HIPK2: variants seen among roughly 807,000 people sequenced by gnomAD.
HIPK2 encodes homeodomain-interacting protein kinase 2.
Under a neutral mutation model 113.7 loss-of-function variants are expected in HIPK2, and 27 were observed. The observed-to-expected ratio is 0.24, with a 90% CI of 0.17 to 0.33. The LOEUF is 0.33. Among genes scored for constraint, HIPK2 ranks in the 10% least tolerant of loss-of-function variants. HIPK2 has a pLI of 1.00. For synonymous variants in HIPK2, 631 were observed against 642.2 expected, an observed-to-expected ratio of 0.98 and a Z score of 0.26; for missense variants, 1,257 against 1,588.0, an observed-to-expected ratio of 0.79 and a Z score of 3.54.
At chr7:139,610,389 A>T (rs1440628440) in intron 9 of HIPK2, among the ~76,000 whole-genome samples, 1 of 152,208 alleles carries the variant, frequency 6.6e-6, no homozygotes, top group African/African-American at 2.4e-5. Context: ...ATAAAGTATG[A>T]AGAAGCTTTT....
chr7:139,706,448 A>G (rs1794901463), intron 2 of HIPK2, among the ~76,000 whole-genome samples: 1 of 152,224 alleles, frequency 6.6e-6, no homozygotes, highest in African/African-American at 2.4e-5. Flanking sequence ...GCTACAAGGC[A>G]TGGGATGCCG....
At position 139,592,850 on chromosome 7, in the gene HIPK2, G is replaced by A. The variant is rs776220198; in HGVS notation, c.2717+3867C>T. Reference sequence around the variant, plus strand: ...CAATATCTGTTTGTCTTATCTTTTGGCCAATTCTCTAGCCATGACCAGAGT... The same window carrying A: ...CAATATCTGTTTGTCTTATCTTTTGACCAATTCTCTAGCCATGACCAGAGT... On this transcript the variant is annotated intron_variant, in intron 12 of 14. Coordinates refer to ENST00000406875, the MANE Select transcript of HIPK2 (RefSeq NM_022740.5). Among the ~76,000 whole-genome samples the A allele has an allele frequency of 2.3e-3, 354 of 152,288 alleles. 2 individuals carry two copies. Among genetic ancestry groups the A allele is most frequent in the Non-Finnish European group, 4.0e-3 (270 of 68,020 alleles).
chr7:139,714,378 C>A lies in HIPK2; in HGVS notation c.1103+1554G>T, dbSNP rs533370921. ...GTGGGAGGGCATCTGGGGATCCGAA[C>A]GGAGGGGCTGTTGCTCTCCCAGGGA... On this transcript the variant is annotated intron_variant, in intron 2 of 14. Coordinates refer to ENST00000406875, the MANE Select transcript of HIPK2 (RefSeq NM_022740.5). The surrounding 1 kb of genome is among the most constrained non-coding windows in gnomAD (Gnocchi z 4.2). 2.0e-5 allele frequency among the ~76,000 whole-genome samples: 3 copies of A among 152,100 alleles called. No homozygotes were observed. The highest frequency in any genetic ancestry group is 2.9e-5 in the Non-Finnish European group (2 of 68,006).
At chr7:139,658,475 C>T (rs1218322825) in intron 2 of HIPK2, among the ~76,000 whole-genome samples, 2 of 152,162 alleles carry the variant, frequency 1.3e-5, no homozygotes, top group East Asian at 3.8e-4. Flanking sequence ...TTTTCAATTC[C>T]ACTGAATTAT....
chr7:139,754,024 C>A (rs568828191), intron 1 of HIPK2, among the ~76,000 whole-genome samples: 2 of 152,208 alleles, frequency 1.3e-5, no homozygotes, highest in Non-Finnish European at 1.5e-5. Context: ...CAAAGACGGG[C>A]GCCACGCTGG....
chr7:139,667,365 AAATT>A (rs1365865121), intron 2 of HIPK2, among the ~76,000 whole-genome samples: 2 of 152,222 alleles, frequency 1.3e-5, no homozygotes, highest in Non-Finnish European at 2.9e-5. Context: ...AGCTTTTAAA[AAATT>A]AATTACTTAT....
intron 1 of HIPK2, among the ~76,000 whole-genome samples, chr7:139,770,740 A>G (rs1036961002): frequency 6.6e-6 from 1 of 152,264 alleles, no homozygotes; most frequent in Admixed American, 6.5e-5. Context: ...CACATGCAGA[A>G]GAATTGATCA....
chr7:139,758,552 G>A (rs761981716), intron 1 of HIPK2, among the ~76,000 whole-genome samples: 1 of 152,186 alleles, frequency 6.6e-6, no homozygotes, highest in Non-Finnish European at 1.5e-5. Context: ...ACAGCAGGAG[G>A]TGAGTGGCAG....
chr7:139,604,885 G>A lies in HIPK2; in HGVS notation c.2113-662C>T, dbSNP rs575456195. ...TCCCACAACTATGTACAGGGGATTA[G>A]GGTAGTTGAGTTGAGCTAGATGAGG... On this transcript the variant is annotated intron_variant, in intron 9 of 14. Transcript: ENST00000406875. 5.9e-5 allele frequency among the ~76,000 whole-genome samples: 9 copies of A among 152,248 alleles called. No homozygotes were observed. In the South Asian group the frequency reaches 1.5e-3, roughly 25 times the overall value.
At chr7:139,583,615 G>T (rs1457778835) in intron 13 of HIPK2, 2 of 676,592 alleles carry the variant, frequency 3.0e-6, no homozygotes, top group African/African-American at 3.6e-5. Flanking sequence ...CAGGATTAAA[G>T]AAGGAAAACG....
chr7:139,641,943 A>T (rs1801040708), intron 2 of HIPK2, among the ~76,000 whole-genome samples: 4 of 151,988 alleles, frequency 2.6e-5, no homozygotes, highest in Admixed American at 2.6e-4. Flanking sequence ...ACCATCTATA[A>T]AATGTGATTA....
chr7:139,573,231 G>T lies in HIPK2; in HGVS notation c.3293C>A (p.Thr1098Asn). Residue 1098 changes from threonine (T) to asparagine (N), a missense_variant, in exon 15 of 15, where the codon ACC becomes AAC. By Grantham distance (65) the Thr-to-Asn change is moderately conservative. Transcript: ENST00000406875. ...AGTGTAGGTGTAGAGGTGGGGCTGG[G>T]TGGGGAGGTGGGCAGCGGCAGCGGC... ...AAAAAAAHLP[T>N]QPHLYTYTAP... 6.2e-7 allele frequency: 1 copy of T among 1,605,320 alleles called. No homozygotes were observed.
intron 9 of HIPK2, among the ~76,000 whole-genome samples, chr7:139,611,019 G>T (rs1799797386): frequency 6.6e-6 from 1 of 152,188 alleles, no homozygotes; most frequent in African/African-American, 2.4e-5. Context: ...ATTACCCTAT[G>T]CTTATAAAAC....
At chr7:139,670,213 T>C (rs1802213196) in intron 2 of HIPK2, among the ~76,000 whole-genome samples, 1 of 152,146 alleles carries the variant, frequency 6.6e-6, no homozygotes, top group Non-Finnish European at 1.5e-5. Flanking sequence ...GGGTTGGGGT[T>C]GCCAGACTCA....
chr7:139,712,166 G>C (rs1795092060), intron 2 of HIPK2, among the ~76,000 whole-genome samples: 1 of 152,182 alleles, frequency 6.6e-6, no homozygotes, highest in African/African-American at 2.4e-5. Flanking sequence ...TCAGACTCGA[G>C]AAAAAAACTT....
intron 2 of HIPK2, among the ~76,000 whole-genome samples, chr7:139,689,181 G>T (rs989376518): frequency 5.9e-5 from 9 of 152,200 alleles, no homozygotes; most frequent in Admixed American, 2.6e-4. Flanking sequence ...TGCTCCCCAA[G>T]AGCTGGGGAA....
chr7:139,766,656 G>A (rs1373718676), intron 1 of HIPK2, among the ~76,000 whole-genome samples: 1 of 152,166 alleles, frequency 6.6e-6, no homozygotes, highest in African/African-American at 2.4e-5. Flanking sequence ...TGAAGATAAG[G>A]GCATGCGCTG....
rs565806229 is a variant in HIPK2 at position 139,648,178 on chromosome 7, G to A, written c.1104-16453C>T. Among the ~76,000 whole-genome samples the A allele has an allele frequency of 5.3e-5, 8 of 152,178 alleles. No individual in the cohort carries two copies. The South Asian group carries it at 1.5e-3, about 28-fold the overall frequency. On this transcript the variant is annotated intron_variant, in intron 2 of 14. Transcript: ENST00000406875. ...TTCCTTTTCATTTGGCCTCAAAAGGGGTACATTTTTCAAAAAACAAAACAA... is the reference window on the plus strand; with the variant it reads ...TTCCTTTTCATTTGGCCTCAAAAGGAGTACATTTTTCAAAAAACAAAACAA...
intron 1 of HIPK2, among the ~76,000 whole-genome samples, chr7:139,738,405 T>C (rs1330243200): frequency 1.3e-5 from 2 of 152,262 alleles, no homozygotes; most frequent in African/African-American, 2.4e-5. Context: ...CATGTGTCTA[T>C]GCAGCCCTTG....
Sources: allele counts gnomAD v4.1 joint callset (sites outside exome capture counted in the v4.1 genomes callset), GRCh38; gene constraint gnomAD v4.1.1; non-coding constraint Gnocchi (gnomAD v3.1); transcripts MANE v1.5; gene names NCBI Gene and HGNC (gene_info 2026-07-23, HGNC 2026-07-21).